MEGF10: variants seen among roughly 807,000 people sequenced by gnomAD.
The protein encoded by MEGF10 is multiple EGF like domains 10, also known as multiple epidermal growth factor-like domains protein 10.
Under a neutral mutation model 147.5 loss-of-function variants are expected in MEGF10, and 86 were observed. The observed-to-expected ratio is 0.58, with a 90% confidence interval of 0.49 to 0.70. The LOEUF (loss-of-function observed/expected upper bound fraction) is 0.70. MEGF10 is among the 30% of genes least tolerant of loss of function. The pLI, the probability that MEGF10 is intolerant of heterozygous loss-of-function variation, is 0.00. For synonymous variants in MEGF10, 478 were observed against 525.5 expected (o/e 0.91, Z 1.24); for missense variants, 1,329 against 1,487.3 (o/e 0.89, Z 1.75).
intron 5 of MEGF10, 87 bp downstream of exon 5, chr5:127,370,089 C>A: frequency 1.1e-6 from 1 of 925,010 alleles, no homozygotes; most frequent in Non-Finnish European, 1.7e-6. Context: ...CCATGCTTTC[C>A]CTCTTCATCC....
At chr5:127,313,906 G>GCCTT (rs1760408504) in intron 1 of MEGF10, among the ~76,000 whole-genome samples, 1 of 152,140 alleles carries the variant, frequency 6.6e-6, no homozygotes, top group Admixed American at 6.6e-5. Context: ...TCCTAAGAAG[G>GCCTT]GCAAGACTTT....
At chr5:127,235,054 C>T in the MEGF10 span, among the ~76,000 whole-genome samples, 4 of 152,130 alleles carry the variant, frequency 2.6e-5, no homozygotes, top group Non-Finnish European at 5.9e-5. Context: ...CCATGTTGGC[C>T]AGACTGGTTG....
the MEGF10 span, among the ~76,000 whole-genome samples, chr5:127,277,828 T>C: frequency 6.6e-6 from 1 of 152,168 alleles, no homozygotes; most frequent in African/African-American, 2.4e-5. Context: ...AGGTTTTTGA[T>C]ATAAGCAAAT....
chr5:127,247,342 A>G, the MEGF10 span, among the ~76,000 whole-genome samples: 6,765 of 14,658 alleles, frequency 0.46, 776 homozygotes, highest in Admixed American at 0.53. Flanking sequence ...GAAGAAGAAG[A>G]AGAAGAAGAA....
intron 8 of MEGF10, among the ~76,000 whole-genome samples, chr5:127,404,388 T>C (rs527742378): frequency 3.3e-5 from 5 of 152,148 alleles, no homozygotes; most frequent in Admixed American, 2.6e-4. Context: ...GTAATTGCGG[T>C]TTTTACCATT....
At chr5:127,407,169 C>G (rs1764364671) in intron 8 of MEGF10, among the ~76,000 whole-genome samples, 1 of 152,186 alleles carries the variant, frequency 6.6e-6, no homozygotes, top group South Asian at 2.1e-4. Context: ...GATGTTGGCT[C>G]TTTCCCAGTG....
At chr5:127,276,567 T>G in the MEGF10 span, among the ~76,000 whole-genome samples, 1 of 152,136 alleles carries the variant, frequency 6.6e-6, no homozygotes, top group Admixed American at 6.5e-5. Flanking sequence ...ACTGTGATGT[T>G]AAAAAGAATT....
chr5:127,356,503 C>T (rs1762285472), intron 4 of MEGF10, among the ~76,000 whole-genome samples: 1 of 152,138 alleles, frequency 6.6e-6, no homozygotes, highest in Non-Finnish European at 1.5e-5. Flanking sequence ...CAAGGTGGGC[C>T]TCCCTGACCG....
chr5:127,364,193 A>C (rs1762575551), intron 4 of MEGF10, among the ~76,000 whole-genome samples: 1 of 152,200 alleles, frequency 6.6e-6, no homozygotes, highest in Admixed American at 6.5e-5. Context: ...TATATTCACA[A>C]AGTTGTACAG....
rs1290891592 is a variant in MEGF10, at chr5:127,422,683, G to A, written c.1604G>A (p.Gly535Glu). 3 of 1,613,912 alleles carry A rather than the reference G, an allele frequency of 1.9e-6. No homozygotes were observed. The highest frequency in any genetic ancestry group is 3.3e-5 in the Admixed American group (2 of 60,008). The change falls in exon 13 of 25, where the codon GGG (glycine) becomes GAG (glutamate). Residue 535 changes from glycine (G) to glutamate (E), a missense_variant. Gly to Glu is a moderately conservative substitution (Grantham distance 98). This residue lies in a region of MEGF10 where 980 missense variants were observed against 1,085.9 expected (regional missense o/e 0.90). Coordinates refer to ENST00000503335, the MANE Select transcript of MEGF10 (RefSeq NM_001256545.2). ...TTTTCCATGCAGGATGGCACGTACG[G>A]GCTGAACTGTGCTGAGCGCTGCGAC... ...CELPCQDGTY[G>E]LNCAERCDCS...
chr5:127,425,807 A>G (rs779047281), intron 13 of MEGF10, among the ~76,000 whole-genome samples: 36 of 152,348 alleles, frequency 2.4e-4, no homozygotes, highest in Non-Finnish European at 4.3e-4. Flanking sequence ...AGGTCAAAAG[A>G]TAAACATAAG....
chr5:127,380,189 C>T (rs1173051813), intron 5 of MEGF10, among the ~76,000 whole-genome samples: 4 of 151,896 alleles, frequency 2.6e-5, no homozygotes, highest in Non-Finnish European at 5.9e-5. Context: ...CCTGGGCACT[C>T]AGTTATGCTT....
chr5:127,257,387 G>C, the MEGF10 span, among the ~76,000 whole-genome samples: 1 of 151,028 alleles, frequency 6.6e-6, no homozygotes, highest in African/African-American at 2.4e-5. Flanking sequence ...GGGAAAGAAA[G>C]AGAATACCAG....
intron 8 of MEGF10, among the ~76,000 whole-genome samples, chr5:127,408,442 A>C (rs1764417333): frequency 2.0e-5 from 3 of 152,216 alleles, no homozygotes; most frequent in Admixed American, 1.3e-4. Context: ...ATTGTACTTA[A>C]GCATTTATTT....
At chr5:127,237,580 A>T in the MEGF10 span, among the ~76,000 whole-genome samples, 2 of 152,144 alleles carry the variant, frequency 1.3e-5, no homozygotes, top group Non-Finnish European at 2.9e-5. Flanking sequence ...AAAACATGCT[A>T]TGTGTGTTTT....
chr5:127,381,714 A>G (rs1763271897), intron 5 of MEGF10, among the ~76,000 whole-genome samples: 1 of 152,196 alleles, frequency 6.6e-6, no homozygotes, highest in South Asian at 2.1e-4. Flanking sequence ...TCTGTCACCC[A>G]GGCTGGAGTG....
chr5:127,375,064 G>A (rs946420451), intron 5 of MEGF10, among the ~76,000 whole-genome samples: 1 of 152,162 alleles, frequency 6.6e-6, no homozygotes, highest in Non-Finnish European at 1.5e-5. Flanking sequence ...GAATCCTCGG[G>A]TTCCAGACCT....
Position 127,447,659 on chromosome 5 carries a change from A to G in MEGF10, c.2831A>G (p.Asn944Ser), listed in dbSNP as rs767447623. The stretch of plus-strand genomic sequence containing the variant: ...TGTGCCACATCCCCTCACGTCAACA[A>G]CAGGGACAGGATGACTGTCACGAAG... Reference protein sequence around the residue: ...TQCATSPHVNNRDRMTVTKSK... With the variant: ...TQCATSPHVNSRDRMTVTKSK... The change falls in exon 21 of 25, where the codon AAC (asparagine) becomes AGC (serine). Residue 944 changes from asparagine (N) to serine (S), a missense_variant. Physicochemically the swap from Asn to Ser is conservative, Grantham distance 46. Around this residue, in one of 3 missense-constraint regions of MEGF10, gnomAD observed 343 missense variants for 377.9 expected, o/e 0.91. Coordinates refer to ENST00000503335, the MANE Select transcript of MEGF10 (RefSeq NM_001256545.2). 71 of 1,613,976 alleles carry G rather than the reference A, an allele frequency of 4.4e-5. No homozygotes were observed. The highest frequency in any genetic ancestry group is 5.5e-5 in the Non-Finnish European group (65 of 1,180,004).
the MEGF10 span, among the ~76,000 whole-genome samples, chr5:127,277,854 C>A: frequency 0.012 from 1,753 of 152,146 alleles, 95 homozygotes; most frequent in East Asian, 0.13. Context: ...GAAAAAGATG[C>A]CATTTGCTGA....
Sources: allele counts gnomAD v4.1 joint callset (sites outside exome capture counted in the v4.1 genomes callset), GRCh38; gene constraint gnomAD v4.1.1; regional missense constraint gnomAD v4.1.1; transcripts MANE v1.5; gene names NCBI Gene and HGNC (gene_info 2026-07-23, HGNC 2026-07-21).